The following ADAM19 variants were observed in gnomAD, a reference collection of about 807,000 sequenced individuals.
ADAM19 encodes the protein ADAM metallopeptidase domain 19, also known as disintegrin and metalloproteinase domain-containing protein 19.
A neutral mutation model predicts 114.7 loss-of-function variants in ADAM19; 65 were observed. The observed-to-expected ratio is 0.57, with a 90% CI of 0.46 to 0.70. ADAM19 has a LOEUF of 0.70. Among genes scored for constraint, ADAM19 ranks in the 30% least tolerant of loss-of-function variants. ADAM19 has a pLI of 0.00. For synonymous variants in ADAM19, 466 were observed against 460.5 expected, an observed-to-expected ratio of 1.01 and a Z score of -0.15; for missense variants, 1,063 against 1,204.7, an observed-to-expected ratio of 0.88 and a Z score of 1.74.
At position 157,555,612 on chromosome 5, in the gene ADAM19, T is replaced by C. The variant is rs146658736; in HGVS notation, c.251+8761A>G. Among the ~76,000 whole-genome samples the C allele has an allele frequency of 3.3e-5, 5 of 152,336 alleles. No homozygotes were observed. The East Asian group carries it at 9.6e-4, about 29-fold the overall frequency. On this transcript the variant is annotated intron_variant, in intron 3 of 22. Transcript: ENST00000257527. ...GCATGTATTGAAAACCTGCTTGCTA[T>C]GTGCCAGACGTTGTACTAAGTGCAT... is the stretch of plus-strand genomic sequence containing the variant.
At chr5:157,551,365 T>C (rs1449881876) in intron 3 of ADAM19, among the ~76,000 whole-genome samples, 2 of 143,528 alleles carry the variant, frequency 1.4e-5, no homozygotes, top group Admixed American at 7.3e-5. Flanking sequence ...GATTGCGCCA[T>C]TGCACTCCAG....
At chr5:157,484,322 T>A (rs973155402) in intron 21 of ADAM19, among the ~76,000 whole-genome samples, 1 of 152,214 alleles carries the variant, frequency 6.6e-6, no homozygotes, top group Non-Finnish European at 1.5e-5. Context: ...GGGGTCCGTA[T>A]CTGTTTGGTT....
Position 157,537,981 on chromosome 5 carries a change from C to G in ADAM19, c.262G>C (p.Ala88Pro), listed in dbSNP as rs1433646141. 1 of 1,613,640 alleles carries G rather than the reference C, an allele frequency of 6.2e-7. No individual in the cohort carries two copies. Among genetic ancestry groups the G allele is most frequent in the Admixed American group, 1.7e-5 (1 of 59,992 alleles). Reference protein sequence around the residue: ...LDLEKNEQLFAPSYTETHYTS... With the variant: ...LDLEKNEQLFPPSYTETHYTS... Reference sequence around the variant, plus strand: ...TAATGGGTTTCTGTGTAGGAAGGAGCAAAAAGTTGCCTGCAAAAAATAAAA... The same window carrying G: ...TAATGGGTTTCTGTGTAGGAAGGAGGAAAAAGTTGCCTGCAAAAAATAAAA... The change falls in exon 4 of 23, where the codon GCT becomes CCT. Residue 88 changes from alanine (A) to proline (P), a missense_variant. Physicochemically the swap from Ala to Pro is conservative, Grantham distance 27. Around this residue, in one of 3 missense-constraint regions of ADAM19, gnomAD observed 615 missense variants for 706.3 expected, o/e 0.87. Transcript: ENST00000257527.
Position 157,521,720 on chromosome 5 carries a change from G to T in ADAM19, c.408-1689C>A, listed in dbSNP as rs539283623. ...CTGAACATCTGGGGGTGGGAGCGTG[G>T]CAAGGAGCAAGGGTCGCATCCACTC... is the stretch of plus-strand genomic sequence containing the variant. On this transcript the variant is annotated intron_variant, in intron 5 of 22. Coordinates refer to ENST00000257527, the MANE Select transcript of ADAM19 (RefSeq NM_033274.5). 3.9e-5 allele frequency among the ~76,000 whole-genome samples: 6 copies of T among 152,316 alleles called. No homozygotes were observed. In the South Asian group the frequency reaches 1.2e-3, roughly 32 times the overall value.
chr5:157,495,058 C>T (rs1419175646), intron 14 of ADAM19, among the ~76,000 whole-genome samples: 2 of 152,192 alleles, frequency 1.3e-5, no homozygotes, highest in East Asian at 1.9e-4. Flanking sequence ...GGCACAATCA[C>T]GGCTCATTGC....
At chr5:157,494,481 A>C (rs1561844878) in intron 15 of ADAM19, among the ~76,000 whole-genome samples, 1 of 152,208 alleles carries the variant, frequency 6.6e-6, no homozygotes, top group Non-Finnish European at 1.5e-5. Flanking sequence ...TCTAGGAAGC[A>C]CTGCCACCCA....
chr5:157,550,358 C>G (rs1757158170), intron 3 of ADAM19, among the ~76,000 whole-genome samples: 1 of 152,154 alleles, frequency 6.6e-6, no homozygotes, highest in African/African-American at 2.4e-5. Context: ...CAAACCTCCC[C>G]CTTCTAAAAG....
At chr5:157,485,832 G>A (rs1040937072) in intron 21 of ADAM19, among the ~76,000 whole-genome samples, 1 of 152,180 alleles carries the variant, frequency 6.6e-6, no homozygotes, top group African/African-American at 2.4e-5. Context: ...TCCCAGATTA[G>A]GTCAAATCCT....
intron 5 of ADAM19, among the ~76,000 whole-genome samples, chr5:157,524,283 C>A (rs1756391097): frequency 6.6e-6 from 1 of 152,274 alleles, no homozygotes. Context: ...AAGGCATGAG[C>A]TGGGGCCCAG....
intron 4 of ADAM19, among the ~76,000 whole-genome samples, chr5:157,532,596 G>C (rs1404758159): frequency 2.0e-5 from 3 of 152,300 alleles, no homozygotes; most frequent in Non-Finnish European, 4.4e-5. Flanking sequence ...CCACAGGGTA[G>C]AGCCAAGTTC....
At chr5:157,524,679 G>C (rs1369485515) in intron 5 of ADAM19, among the ~76,000 whole-genome samples, 1 of 152,166 alleles carries the variant, frequency 6.6e-6, no homozygotes, top group African/African-American at 2.4e-5. Flanking sequence ...AGAAGAGAAG[G>C]CTTGTAGGTC....
intron 3 of ADAM19, among the ~76,000 whole-genome samples, chr5:157,558,416 A>C (rs1369436193): frequency 6.6e-6 from 1 of 152,188 alleles, no homozygotes; most frequent in Non-Finnish European, 1.5e-5. Flanking sequence ...TTGGTTAAAG[A>C]ATGATATCCT....
chr5:157,573,654 G>C (rs1581365569), intron 1 of ADAM19, among the ~76,000 whole-genome samples: 2 of 151,976 alleles, frequency 1.3e-5, no homozygotes, highest in South Asian at 4.1e-4. Context: ...GCTGAGGCAG[G>C]AGAATAGCTT....
At chr5:157,535,044 ATGT>A (rs71577328) in intron 4 of ADAM19, among the ~76,000 whole-genome samples, 20,072 of 152,178 alleles carry the variant, frequency 0.13, 1,599 homozygotes, top group South Asian at 0.2. Flanking sequence ...CATCTGTAAA[ATGT>A]GGGGTTGGAA....
At chr5:157,554,428 C>A (rs182480130) in intron 3 of ADAM19, among the ~76,000 whole-genome samples, 11 of 152,354 alleles carry the variant, frequency 7.2e-5, no homozygotes, top group African/African-American at 2.4e-4. Flanking sequence ...GAGCCGGAAC[C>A]AGTGAACAAA....
chr5:157,547,423 G>T (rs749213963), intron 3 of ADAM19, among the ~76,000 whole-genome samples: 1 of 152,208 alleles, frequency 6.6e-6, no homozygotes, highest in Admixed American at 6.5e-5. Flanking sequence ...CCACCATAAT[G>T]AGTGGATTAA....
chr5:157,572,352 A>G, intron 1 of ADAM19: 1 of 439,998 alleles, frequency 2.3e-6, no homozygotes, highest in South Asian at 1.6e-5. Flanking sequence ...CAGAACTCAA[A>G]TACTGGCGGC....
intron 8 of ADAM19, among the ~76,000 whole-genome samples, chr5:157,511,376 G>A (rs535900361): frequency 6.6e-6 from 1 of 152,340 alleles, no homozygotes; most frequent in East Asian, 1.9e-4. Flanking sequence ...TCAGCAAGAA[G>A]ATGGTGGAGC....
chr5:157,554,848 G>A, intron 3 of ADAM19, among the ~76,000 whole-genome samples: 1 of 152,186 alleles, frequency 6.6e-6, no homozygotes, highest in East Asian at 1.9e-4. Flanking sequence ...ACTCTCAAAG[G>A]TTGAGCGACT....
Sources: allele counts gnomAD v4.1 joint callset (sites outside exome capture counted in the v4.1 genomes callset), GRCh38; gene constraint gnomAD v4.1.1; regional missense constraint gnomAD v4.1.1; transcripts MANE v1.5; gene names NCBI Gene and HGNC (gene_info 2026-07-23, HGNC 2026-07-21).